The following AFF2 variants were observed in gnomAD, a reference collection of about 807,000 sequenced individuals.
AFF2 encodes ALF transcription elongation factor 2, also known as AF4/FMR2 family member 2.
AFF2 carries 14 observed loss-of-function variants against 76.9 expected under a neutral mutation model. The observed-to-expected ratio is 0.18, with a 90% CI of 0.12 to 0.28. The LOEUF is 0.28. Among genes scored for constraint, AFF2 ranks in the 10% least tolerant of loss-of-function variants. The pLI, the probability that AFF2 is intolerant of heterozygous loss-of-function variation, is 1.00. For synonymous variants in AFF2, 398 were observed against 366.7 expected (o/e 1.09, Z -0.98); for missense variants, 868 against 1,001.1 (o/e 0.87, Z 1.79).
intron 1 of AFF2, among the ~76,000 whole-genome samples, chrX:148,625,940 T>C (rs1418016091): frequency 2.7e-5 from 3 of 112,278 alleles, no homozygotes; most frequent in African/African-American, 9.7e-5. Context: ...ATTGCTGTTA[T>C]AAACTGGACA....
chrX:148,815,911 C>G (rs1557272119), intron 4 of AFF2, among the ~76,000 whole-genome samples: 3 of 111,914 alleles, frequency 2.7e-5, no homozygotes, highest in African/African-American at 9.7e-5. Context: ...AGTCTGTTCT[C>G]TGTCAACCTG....
At chrX:148,818,922 G>A (rs1186134202) in intron 4 of AFF2, among the ~76,000 whole-genome samples, 3 of 110,833 alleles carry the variant, frequency 2.7e-5, no homozygotes, top group South Asian at 3.8e-4. Flanking sequence ...AAATTGCCCC[G>A]AATCATATAT....
chrX:148,604,666 G>C (rs981840110), intron 1 of AFF2, among the ~76,000 whole-genome samples: 1 of 112,539 alleles, frequency 8.9e-6, no homozygotes, highest in Non-Finnish European at 1.9e-5. Flanking sequence ...ATTAGAGAGA[G>C]ATTCATTTCA....
chrX:148,650,546 A>G (rs782762865), intron 1 of AFF2, among the ~76,000 whole-genome samples: 9 of 112,225 alleles, frequency 8.0e-5, no homozygotes, highest in African/African-American at 2.9e-4. Flanking sequence ...TTGTATTATG[A>G]AAGTGTAATG....
chrX:148,660,622 C>G (rs782306271), intron 2 of AFF2, among the ~76,000 whole-genome samples: 4 of 111,902 alleles, frequency 3.6e-5, no homozygotes, highest in African/African-American at 1.3e-4. Flanking sequence ...GATGGTCACT[C>G]CCTCCTGTGC....
chrX:148,679,184 A>G (rs1557259737), intron 3 of AFF2, among the ~76,000 whole-genome samples: 2 of 105,148 alleles, frequency 1.9e-5, no homozygotes, highest in Non-Finnish European at 1.9e-5. Context: ...ATATAGCAAT[A>G]TACGTATAAA....
At chrX:148,843,491 G>T in intron 7 of AFF2, 58 bp downstream of exon 7, 1 of 961,981 alleles carries the variant, frequency 1.0e-6, no homozygotes. Flanking sequence ...AGGAAACAGT[G>T]CCTCAATGCT....
chrX:148,706,749 C>G (rs1364211148), intron 3 of AFF2, among the ~76,000 whole-genome samples: 1 of 112,539 alleles, frequency 8.9e-6, no homozygotes, highest in Non-Finnish European at 1.9e-5. Context: ...CAAGGATGTT[C>G]CATAGTTCAT....
At chrX:148,574,081 A>C (rs1219823276) in intron 1 of AFF2, among the ~76,000 whole-genome samples, 1 of 111,344 alleles carries the variant, frequency 9.0e-6, no homozygotes, top group Non-Finnish European at 1.9e-5. Context: ...TCACAGCAAC[A>C]TCAGGGGTTT....
intron 3 of AFF2, among the ~76,000 whole-genome samples, chrX:148,801,440 C>T (rs782613849): frequency 5.5e-4 from 62 of 111,738 alleles, no homozygotes; most frequent in African/African-American, 1.7e-3. Context: ...ATGATCTTGC[C>T]GCATACTTCA....
At chrX:148,887,659 G>T (rs1053268164) in intron 8 of AFF2, among the ~76,000 whole-genome samples, 2 of 111,802 alleles carry the variant, frequency 1.8e-5, no homozygotes, top group Non-Finnish European at 3.8e-5. Context: ...AGATGATCAG[G>T]ATTGGTGGGT....
intron 1 of AFF2, among the ~76,000 whole-genome samples, chrX:148,595,880 A>G (rs1179007131): frequency 8.9e-6 from 1 of 111,886 alleles, no homozygotes; most frequent in African/African-American, 3.3e-5. Context: ...AAAAATAGCA[A>G]TCCAGTGTGT....
chrX:148,684,810 G>A (rs782770199), intron 3 of AFF2, among the ~76,000 whole-genome samples: 1 of 112,232 alleles, frequency 8.9e-6, no homozygotes, highest in African/African-American at 3.2e-5. Flanking sequence ...GCACATTGTC[G>A]TAGAATAAGC....
At chrX:148,518,133 G>A (rs1041350315) in intron 1 of AFF2, among the ~76,000 whole-genome samples, 18 of 111,527 alleles carry the variant, frequency 1.6e-4, no homozygotes, top group African/African-American at 5.5e-4. Context: ...TATAAATATT[G>A]CGTTTAGAAT....
intron 3 of AFF2, among the ~76,000 whole-genome samples, chrX:148,702,011 A>G (rs781827415): frequency 5.0e-4 from 56 of 112,303 alleles, no homozygotes; most frequent in Non-Finnish European, 9.2e-4. Context: ...AGATATTTTG[A>G]CATTTATATT....
chrX:148,978,528 C>T (rs782169925), intron 18 of AFF2, 73 bp downstream of exon 18: 19 of 756,829 alleles, frequency 2.5e-5, no homozygotes, highest in Admixed American at 2.1e-4. Flanking sequence ...TGCAGGTTAT[C>T]GAATGTCAAA....
At position 148,861,495 on chromosome X, in the gene AFF2, G is replaced by A. The variant is rs185111792; in HGVS notation, c.1262+18062G>A. 1.3e-3 allele frequency among the ~76,000 whole-genome samples: 141 copies of A among 111,979 alleles called. 1 individual carries two copies. Among genetic ancestry groups the A allele is most frequent in the Middle Eastern group, 4.6e-3 (1 of 216 alleles). ...ACAGCGGGTTAAAAAAAACTAACAA[G>A]TCTTTTCATTGTAGGAATTCTTTGA... On this transcript the variant is annotated intron_variant, in intron 7 of 20. Coordinates refer to ENST00000370460, the MANE Select transcript of AFF2 (RefSeq NM_002025.4).
chrX:148,787,147 T>A (rs1359830625), intron 3 of AFF2, among the ~76,000 whole-genome samples: 1 of 112,217 alleles, frequency 8.9e-6, no homozygotes, highest in Non-Finnish European at 1.9e-5. Flanking sequence ...TTGGCCAGAA[T>A]TAAGTTTTTA....
At chrX:148,536,697 G>A (rs973682025) in intron 1 of AFF2, among the ~76,000 whole-genome samples, 2 of 111,992 alleles carry the variant, frequency 1.8e-5, no homozygotes, top group African/African-American at 6.5e-5. Context: ...GCTATCCTAA[G>A]TCCGGTAAGG....
Sources: allele counts gnomAD v4.1 joint callset (sites outside exome capture counted in the v4.1 genomes callset), GRCh38; gene constraint gnomAD v4.1.1; transcripts MANE v1.5; gene names NCBI Gene and HGNC (gene_info 2026-07-23, HGNC 2026-07-21).